The following PIK3C2G variants were observed in gnomAD, a reference collection of about 807,000 sequenced individuals.
The protein encoded by PIK3C2G is phosphatidylinositol 3-kinase C2 domain-containing subunit gamma.
A neutral mutation model predicts 181.1 loss-of-function variants in PIK3C2G; 168 were observed. The observed-to-expected ratio is 0.93, with a 90% CI of 0.82 to 1.05. The LOEUF (loss-of-function observed/expected upper bound fraction) is 1.05. Ranked by LOEUF, PIK3C2G falls within the 50% of genes least tolerant of loss-of-function variation. PIK3C2G has a pLI of 0.00. For synonymous variants in PIK3C2G, 573 were observed against 592.2 expected, an observed-to-expected ratio of 0.97 and a Z score of 0.47; for missense variants, 1,869 against 1,732.8, an observed-to-expected ratio of 1.08 and a Z score of -1.40.
At chr12:18,351,931 C>G (rs1308908512) in intron 11 of PIK3C2G, among the ~76,000 whole-genome samples, 1 of 152,164 alleles carries the variant, frequency 6.6e-6, no homozygotes, top group African/African-American at 2.4e-5. Flanking sequence ...CCCGTATACC[C>G]TAGATGTGTA....
At chr12:18,588,138 T>C (rs927278990) in intron 29 of PIK3C2G, among the ~76,000 whole-genome samples, 5 of 151,794 alleles carry the variant, frequency 3.3e-5, no homozygotes, top group African/African-American at 1.2e-4. Flanking sequence ...AACCCAAAAC[T>C]ATAAAAGCCC....
upstream of PIK3C2G, among the ~76,000 whole-genome samples, chr12:18,245,563 AT>A (rs1476044829): frequency 6.6e-6 from 1 of 152,166 alleles, no homozygotes; most frequent in African/African-American, 2.4e-5. Context: ...TCCCATCTAA[AT>A]TTTTTTAAAT....
At chr12:18,665,629 C>A in the PIK3C2G span, among the ~76,000 whole-genome samples, 23 of 152,104 alleles carry the variant, frequency 1.5e-4, no homozygotes, top group African/African-American at 5.5e-4. Context: ...CCTGTCTGTA[C>A]TGAAAATACA....
chr12:18,697,413 G>C, the PIK3C2G span, among the ~76,000 whole-genome samples: 4 of 152,242 alleles, frequency 2.6e-5, no homozygotes, highest in African/African-American at 9.6e-5. Flanking sequence ...AGTCCTAACA[G>C]ATGTCTGTCC....
At chr12:18,362,465 T>G (rs1941321886) in intron 11 of PIK3C2G, among the ~76,000 whole-genome samples, 1 of 152,188 alleles carries the variant, frequency 6.6e-6, no homozygotes, top group African/African-American at 2.4e-5. Flanking sequence ...AACTTTGACA[T>G]GGCTGGTTTT....
chr12:18,497,538 A>G lies in PIK3C2G; in HGVS notation c.2887-81A>G, dbSNP rs989811514. ...AGGCTAGAAATGTATCCAAGGAGAA[A>G]AGTGACATGTACTGTATTTGACTGC... On this transcript the variant is annotated intron_variant, in intron 21 of 32. Transcript: ENST00000538779. 10 of 1,027,982 alleles carry G rather than the reference A, an allele frequency of 9.7e-6. No homozygotes were observed. The African/African-American group carries it at 1.6e-4, about 17-fold the overall frequency. The allele number at this position is 1,027,982 out of a possible 1,614,324, so 63.7% of individuals were successfully genotyped here.
At chr12:18,260,949 C>T (rs1948216247), upstream of PIK3C2G, among the ~76,000 whole-genome samples, 1 of 151,890 alleles carries the variant, frequency 6.6e-6, no homozygotes, top group Non-Finnish European at 1.5e-5. Context: ...TTTTGCTGTT[C>T]CTTTTCAGAT....
upstream of PIK3C2G, among the ~76,000 whole-genome samples, chr12:18,246,322 GATATTTTCAGCCCATCACA>G (rs1364656590): frequency 6.6e-6 from 1 of 151,996 alleles, no homozygotes; most frequent in African/African-American, 2.4e-5. Flanking sequence ...TTAGAAAGCT[GATATTTTCAGCCCATCACA>G]AGTGAATCCA....
the PIK3C2G span, among the ~76,000 whole-genome samples, chr12:18,657,428 G>A: frequency 1.3e-5 from 2 of 150,986 alleles, no homozygotes; most frequent in Admixed American, 6.6e-5. Flanking sequence ...CACAAATGAA[G>A]ACTATAGCAG....
chr12:18,720,706 C>T, the PIK3C2G span, among the ~76,000 whole-genome samples: 21 of 151,808 alleles, frequency 1.4e-4, no homozygotes, highest in Non-Finnish European at 1.9e-4. Flanking sequence ...TGATCTTTGG[C>T]AGAGAATTTT....
intron 18 of PIK3C2G, among the ~76,000 whole-genome samples, chr12:18,478,341 C>G (rs956235040): frequency 1.1e-4 from 16 of 152,094 alleles, no homozygotes; most frequent in African/African-American, 3.6e-4. Context: ...TTATTTTGAA[C>G]CCCAGGCCCA....
At chr12:18,395,289 A>T (rs1306397356) in intron 15 of PIK3C2G, among the ~76,000 whole-genome samples, 1 of 151,022 alleles carries the variant, frequency 6.6e-6, no homozygotes, top group Non-Finnish European at 1.5e-5. Flanking sequence ...TAATATTATG[A>T]TGTTCTATAT....
At chr12:18,438,795 G>T (rs1565723362) in intron 18 of PIK3C2G, among the ~76,000 whole-genome samples, 1 of 151,816 alleles carries the variant, frequency 6.6e-6, no homozygotes, top group Non-Finnish European at 1.5e-5. Flanking sequence ...CCTAAGCTGG[G>T]TAGCCCTTGA....
At chr12:18,428,121 A>C (rs11044104) in intron 18 of PIK3C2G, among the ~76,000 whole-genome samples, 97 of 152,128 alleles carry the variant, frequency 6.4e-4, no homozygotes, top group Non-Finnish European at 1.2e-3. Flanking sequence ...AATAAAAATT[A>C]AGAATCAGGC....
At chr12:18,323,232 T>C (rs1323373100) in intron 7 of PIK3C2G, among the ~76,000 whole-genome samples, 1 of 152,144 alleles carries the variant, frequency 6.6e-6, no homozygotes, top group Non-Finnish European at 1.5e-5. Context: ...AGTTCTGCTG[T>C]AGCAAGGGTA....
At chr12:18,649,475 A>G (rs1457136915), downstream of PIK3C2G, among the ~76,000 whole-genome samples, 3 of 152,128 alleles carry the variant, frequency 2.0e-5, no homozygotes, top group Admixed American at 2.0e-4. Context: ...GACACCATGC[A>G]ACCATGATGT....
Position 18,311,771 on chromosome 12 carries a change from T to C in PIK3C2G, c.1035-2191T>C, listed in dbSNP as rs536955595. ...AACTAATAGGACAGATGTGTATATA[T>C]AAAGGGGAGTTTATTAAGGAGTATT... On this transcript the variant is annotated intron_variant, in intron 5 of 32. Coordinates refer to ENST00000538779, the MANE Select transcript of PIK3C2G (RefSeq NM_001288772.2). Among the ~76,000 whole-genome samples the C allele has an allele frequency of 2.6e-5, 4 of 151,996 alleles. No homozygotes were observed. The South Asian group carries it at 8.3e-4, about 32-fold the overall frequency.
chr12:18,352,910 C>T (rs1044760589), intron 11 of PIK3C2G, among the ~76,000 whole-genome samples: 10 of 152,204 alleles, frequency 6.6e-5, no homozygotes, highest in Non-Finnish European at 1.5e-4. Flanking sequence ...CAGTCTGCCA[C>T]TCCACCACTC....
At chr12:18,464,768 TA>T (rs998189438) in intron 18 of PIK3C2G, among the ~76,000 whole-genome samples, 20 of 152,220 alleles carry the variant, frequency 1.3e-4, no homozygotes, top group African/African-American at 4.8e-4. Context: ...TTTTTGTTTG[TA>T]AATTCTAGTT....
Sources: gnomAD v4.1 joint callset for allele counts (sites outside exome capture counted in the v4.1 genomes callset) on GRCh38, gnomAD v4.1.1 for gene constraint, MANE v1.5 for transcripts, NCBI Gene and HGNC (gene_info 2026-07-23, HGNC 2026-07-21) for gene names.